The following ATXN2 variants were observed in gnomAD, a reference collection of about 807,000 sequenced individuals.
ATXN2 encodes the protein ataxin 2.
A neutral mutation model predicts 138.6 loss-of-function variants in ATXN2; 37 were observed. That is an observed-to-expected ratio of 0.27 (90% confidence interval 0.21 to 0.35). ATXN2 has a LOEUF of 0.35. Among genes scored for constraint, ATXN2 ranks in the 10% least tolerant of loss-of-function variants. ATXN2 has a pLI of 1.00. For synonymous variants in ATXN2, 549 were observed against 543.7 expected (o/e 1.01, Z -0.13); for missense variants, 1,216 against 1,480.3 (o/e 0.82, Z 2.93).
chr12:111,526,473 C>T (rs973615164), intron 5 of ATXN2, among the ~76,000 whole-genome samples: 3 of 150,880 alleles, frequency 2.0e-5, no homozygotes, highest in African/African-American at 7.3e-5. Flanking sequence ...GACACCATCT[C>T]GGCTCCCTGC....
At chr12:111,561,789 G>A (rs1017762248) in intron 1 of ATXN2, among the ~76,000 whole-genome samples, 9 of 152,074 alleles carry the variant, frequency 5.9e-5, no homozygotes, top group African/African-American at 2.2e-4. Flanking sequence ...CTGCAATGCA[G>A]CCTGGGTGAC....
chr12:111,569,803 A>G (rs1244919354), intron 1 of ATXN2, among the ~76,000 whole-genome samples: 1 of 152,132 alleles, frequency 6.6e-6, no homozygotes, highest in Non-Finnish European at 1.5e-5. Context: ...AGAAAGGGAT[A>G]AAAGGCTTGG....
At chr12:111,515,226 A>T (rs953428629) in intron 10 of ATXN2, among the ~76,000 whole-genome samples, 4 of 152,228 alleles carry the variant, frequency 2.6e-5, no homozygotes, top group Non-Finnish European at 5.9e-5. Flanking sequence ...CAGGAGAAAC[A>T]CATTTTGTGC....
chr12:111,453,854 G>A lies in ATXN2; in HGVS notation c.3271-9C>T, dbSNP rs1874862905. On this transcript the variant is annotated splice_polypyrimidine_tract_variant and intron_variant, in intron 23 of 24. Coordinates refer to ENST00000673436, the MANE Select transcript of ATXN2 (RefSeq NM_001372574.1). This position sits in a 1 kb window ranked among gnomAD's most constrained non-coding sequence, Gnocchi z 5.4. ...CCTGACTGTACATGAGCCTGAAACA[G>A]AGAGCTCTTTTACGCATACAGGCAA... 6.2e-7 allele frequency: 1 copy of A among 1,601,612 alleles called. No homozygotes were observed. The highest frequency in any genetic ancestry group is 1.1e-5 in the South Asian group (1 of 89,778).
At chr12:111,531,105 C>CG in intron 5 of ATXN2, among the ~76,000 whole-genome samples, 1 of 151,466 alleles carries the variant, frequency 6.6e-6, no homozygotes, top group South Asian at 2.1e-4. Flanking sequence ...GTAACAAGAG[C>CG]GAAACTCTGT....
intron 1 of ATXN2, among the ~76,000 whole-genome samples, chr12:111,578,249 G>A (rs542081380): frequency 1.3e-5 from 2 of 152,228 alleles, no homozygotes; most frequent in Admixed American, 6.5e-5. Flanking sequence ...TAACTGTTCA[G>A]TGTTTGTCTA....
At chr12:111,553,889 C>T (rs1405117283) in intron 3 of ATXN2, among the ~76,000 whole-genome samples, 1 of 152,110 alleles carries the variant, frequency 6.6e-6, no homozygotes, top group Non-Finnish European at 1.5e-5. Flanking sequence ...GCGTGAGTCA[C>T]TGTGCCTGGC....
chr12:111,517,574 T>G (rs1244737101), intron 9 of ATXN2, among the ~76,000 whole-genome samples: 1 of 152,214 alleles, frequency 6.6e-6, no homozygotes. Flanking sequence ...CCCTGATTTA[T>G]GGAAAAGATC....
chr12:111,544,212 T>C lies in ATXN2; in HGVS notation c.571+8068A>G, dbSNP rs1881686682. On this transcript the variant is annotated intron_variant, in intron 5 of 24. Coordinates refer to ENST00000673436, the MANE Select transcript of ATXN2 (RefSeq NM_001372574.1). ...CTAGGTTCTCAAAAGGGACCCAAAA[T>C]AGATTCTTGTATTTCTCCGTACTGT... is the stretch of plus-strand genomic sequence containing the variant. Among the ~76,000 whole-genome samples, 4 of 152,322 alleles carry C rather than the reference T, an allele frequency of 2.6e-5. No homozygotes were observed. The South Asian group carries it at 8.3e-4, about 32-fold the overall frequency.
intron 1 of ATXN2, among the ~76,000 whole-genome samples, chr12:111,558,812 A>G (rs1882519725): frequency 6.6e-6 from 1 of 152,064 alleles, no homozygotes; most frequent in Admixed American, 6.6e-5. Flanking sequence ...ATAATTAACT[A>G]AATAATAATA....
intron 1 of ATXN2, among the ~76,000 whole-genome samples, chr12:111,586,740 C>T (rs990703872): frequency 1.3e-5 from 2 of 151,796 alleles, no homozygotes; most frequent in Non-Finnish European, 2.9e-5. Context: ...AGACTGGTCT[C>T]GAACTCCTGA....
rs1404650908 is a variant in ATXN2, at chr12:111,598,432, C to T, written c.251+352G>A. 4 of 985,562 alleles carry T rather than the reference C, an allele frequency of 4.1e-6. No homozygotes were observed. The highest frequency in any genetic ancestry group is 3.5e-5 in the African/African-American group (2 of 57,254). The allele number at this position is 985,562 out of a possible 1,614,324, so 61.1% of individuals were successfully genotyped here. ...GAGGAGCTGCCCGAGCATCCCCACG[C>T]TGCGGGCGGAGGATCGTGCGGAAGG... On this transcript the variant is annotated intron_variant, in intron 1 of 24. Coordinates refer to ENST00000673436, the MANE Select transcript of ATXN2 (RefSeq NM_001372574.1). The surrounding 1 kb of genome is among the most constrained non-coding windows in gnomAD (Gnocchi z 4.5).
At chr12:111,522,687 TGGATCACCTGAGATTAGGAGTTCG>T (rs1880243779) in intron 6 of ATXN2, among the ~76,000 whole-genome samples, 1 of 151,152 alleles carries the variant, frequency 6.6e-6, no homozygotes, top group African/African-American at 2.4e-5. Context: ...CCAAGGTGGG[TGGATCACCTGAGATTAGGAGTTCG>T]GGACCAGCCT....
At chr12:111,470,899 C>G in intron 18 of ATXN2, 157 bp from the exon 19 acceptor site, 1 of 736,812 alleles carries the variant, frequency 1.4e-6, no homozygotes, top group Non-Finnish European at 2.2e-6. Context: ...GGTTATTTTC[C>G]TATCATGCAT....
At chr12:111,555,021 T>C in intron 2 of ATXN2, among the ~76,000 whole-genome samples, 1 of 152,150 alleles carries the variant, frequency 6.6e-6, no homozygotes, top group East Asian at 1.9e-4. Context: ...TCTCAAAAAT[T>C]TGTGATAGCT....
At position 111,510,498 on chromosome 12, in the gene ATXN2, G is replaced by T. The variant is rs1215276929; in HGVS notation, c.1643C>A (p.Ala548Asp). The T allele has an allele frequency of 1.1e-5, 17 of 1,614,014 alleles. No homozygotes were observed. The highest frequency in any genetic ancestry group is 1.4e-5 in the Non-Finnish European group (17 of 1,179,990). ...TGGAATAATACCAGCTTGGGGAGAAGCAAGAACTGGCCCACTGGGGGTATT... is the reference window on the plus strand; with the variant it reads ...TGGAATAATACCAGCTTGGGGAGAATCAAGAACTGGCCCACTGGGGGTATT... ...IGNTPSGPVL[A>D]SPQAGIIPTE... The change falls in exon 12 of 25, where the codon GCT (alanine) becomes GAT (aspartate). Residue 548 changes from alanine to aspartate, a missense_variant. Around this residue, in one of 4 missense-constraint regions of ATXN2, gnomAD observed 215 missense variants for 210.0 expected, o/e 1.02. Transcript: ENST00000673436.
intron 5 of ATXN2, among the ~76,000 whole-genome samples, chr12:111,537,609 ATATAT>A (rs1881266161): frequency 2.0e-5 from 3 of 151,554 alleles, no homozygotes; most frequent in Non-Finnish European, 1.5e-5. Flanking sequence ...AAAAAAGGCT[ATATAT>A]TATATGATTC....
intron 18 of ATXN2, among the ~76,000 whole-genome samples, chr12:111,478,645 C>T (rs980844124): frequency 6.6e-5 from 10 of 152,134 alleles, no homozygotes; most frequent in African/African-American, 2.2e-4. Context: ...TACACATGTA[C>T]CTGATCAGTT....
At chr12:111,461,795 C>A (rs558241075) in intron 21 of ATXN2, among the ~76,000 whole-genome samples, 6 of 151,886 alleles carry the variant, frequency 4.0e-5, no homozygotes, top group African/African-American at 1.4e-4. Flanking sequence ...TGGCAGCAGG[C>A]GCCTGTAATC....
Sources: allele counts gnomAD v4.1 joint callset (sites outside exome capture counted in the v4.1 genomes callset), GRCh38; gene constraint gnomAD v4.1.1; regional missense constraint gnomAD v4.1.1; non-coding constraint Gnocchi (gnomAD v3.1); transcripts MANE v1.5; gene names NCBI Gene and HGNC (gene_info 2026-07-23, HGNC 2026-07-21).